CYP3A43: variants seen among roughly 807,000 people sequenced by gnomAD.
The protein encoded by CYP3A43 is cytochrome P450 3A43.
A neutral mutation model predicts 58.0 loss-of-function variants in CYP3A43; 45 were observed. That is an observed-to-expected ratio of 0.78 (90% CI 0.61 to 0.99). CYP3A43 has a LOEUF of 0.99. Ranked by LOEUF, CYP3A43 falls within the 50% of genes least tolerant of loss-of-function variation. The probability of loss-of-function intolerance (pLI) is 0.00; values close to 1 mark genes in which losing one functional copy is unlikely to be tolerated. For synonymous variants in CYP3A43, 191 were observed against 201.4 expected, an observed-to-expected ratio of 0.95 and a Z score of 0.44; for missense variants, 593 against 591.9, an observed-to-expected ratio of 1.00 and a Z score of -0.02.
chr7:99,865,259 C>T (rs1298107426), intron 12 of CYP3A43, among the ~76,000 whole-genome samples: 1 of 122,700 alleles, frequency 8.1e-6, no homozygotes, highest in Non-Finnish European at 1.6e-5. Context: ...CTGCTGGCTG[C>T]TCCCCTGACA....
intron 6 of CYP3A43, among the ~76,000 whole-genome samples, chr7:99,849,168 T>C (rs947451498): frequency 4.6e-5 from 7 of 152,212 alleles, no homozygotes; most frequent in Admixed American, 3.3e-4. Flanking sequence ...AATTTATTGA[T>C]TGGCCGAGAA....
chr7:99,859,813 A>T lies in CYP3A43; in HGVS notation c.866-17A>T, dbSNP rs1208765598. 8.7e-6 allele frequency: 14 copies of T among 1,613,742 alleles called. No individual in the cohort carries two copies. The highest frequency in any genetic ancestry group is 2.5e-6 in the Non-Finnish European group (3 of 1,179,946). On this transcript the variant is annotated splice_polypyrimidine_tract_variant and intron_variant, in intron 9 of 12. Transcript: ENST00000354829. ...ACACTAACCACTTTTCCTAAAATAT[A>T]TTTCCTCTCCTTTCAGCTCTGTCTG...
intron 3 of CYP3A43, among the ~76,000 whole-genome samples, chr7:99,839,576 G>A (rs1261240212): frequency 1.3e-5 from 2 of 152,104 alleles, no homozygotes; most frequent in African/African-American, 2.4e-5. Context: ...GGCATCACTC[G>A]TCTGGGGTAA....
intron 5 of CYP3A43, 30 bp downstream of exon 5, chr7:99,847,631 A>C (rs755197996): frequency 3.1e-6 from 5 of 1,611,334 alleles, no homozygotes; most frequent in Non-Finnish European, 3.4e-6. Context: ...TATAATTAGA[A>C]ACTTAAAGGA....
chr7:99,838,613 T>C, intron 2 of CYP3A43: 1 of 1,247,094 alleles, frequency 8.0e-7, no homozygotes, highest in Non-Finnish European at 1.0e-6. Flanking sequence ...TTAGAGAAAA[T>C]TTAAAAGTGA....
chr7:99,846,873 G>A (rs1390951660), intron 4 of CYP3A43, among the ~76,000 whole-genome samples: 1 of 152,116 alleles, frequency 6.6e-6, no homozygotes, highest in African/African-American at 2.4e-5. Flanking sequence ...GGACTAATAG[G>A]CCTGTCGCAA....
rs1311825581 is a variant in CYP3A43 at position 99,854,580 on chromosome 7, GT to G, written c.671-1006del. Among the ~76,000 whole-genome samples, 3 of 152,042 alleles carry G rather than the reference GT, an allele frequency of 2.0e-5. No individual in the cohort carries two copies. The East Asian group carries it at 5.8e-4, about 29-fold the overall frequency. On this transcript the variant is annotated intron_variant, in intron 7 of 12. Coordinates refer to ENST00000354829, the MANE Select transcript of CYP3A43 (RefSeq NM_057095.3). ...CTGTATTTCATTAGGTTACACTTTAGTTTTTATTATTTTCCCCCTTTCTGCT... is the reference window on the plus strand; with the variant it reads ...CTGTATTTCATTAGGTTACACTTTAGTTTTATTATTTTCCCCCTTTCTGCT...
At chr7:99,846,559 T>C (rs988789990) in intron 4 of CYP3A43, among the ~76,000 whole-genome samples, 2 of 152,188 alleles carry the variant, frequency 1.3e-5, no homozygotes, top group Non-Finnish European at 2.9e-5. Flanking sequence ...TGCCGTCCAA[T>C]CTGTATGCCT....
In CYP3A43 at chr7:99,862,773, T is replaced by C. The variant is rs1244898924; in HGVS notation, c.1254-764T>C. ...GGACCTTGTCTTGTTAGGCATGCTG[T>C]CTCTACTGCTGGCACAGACTCTGTA... On this transcript the variant is annotated intron_variant, in intron 11 of 12. Coordinates refer to ENST00000354829, the MANE Select transcript of CYP3A43 (RefSeq NM_057095.3). 2.0e-5 allele frequency among the ~76,000 whole-genome samples: 3 copies of C among 152,224 alleles called. No individual in the cohort carries two copies. In the East Asian group the frequency reaches 5.8e-4, roughly 29 times the overall value.
At chr7:99,832,059 T>TG in intron 1 of CYP3A43, among the ~76,000 whole-genome samples, 1 of 152,158 alleles carries the variant, frequency 6.6e-6, no homozygotes, top group Non-Finnish European at 1.5e-5. Flanking sequence ...ACTATGATTC[T>TG]TCCAGAGCTC....
chr7:99,850,199 CCCT>C (rs1187841315), intron 7 of CYP3A43: 4 of 265,160 alleles, frequency 1.5e-5, no homozygotes, highest in African/African-American at 2.4e-5. Flanking sequence ...TCATGATCCG[CCCT>C]CCTCAGCCTC....
intron 3 of CYP3A43, among the ~76,000 whole-genome samples, chr7:99,843,514 G>A (rs1257195470): frequency 6.6e-6 from 1 of 151,896 alleles, no homozygotes; most frequent in Non-Finnish European, 1.5e-5. Flanking sequence ...TGCCCAGGCT[G>A]GAGTGCAGTG....
intron 6 of CYP3A43, among the ~76,000 whole-genome samples, chr7:99,848,628 T>C (rs779295139): frequency 2.0e-5 from 3 of 152,212 alleles, no homozygotes; most frequent in Non-Finnish European, 4.4e-5. Flanking sequence ...TGGCAGTGAC[T>C]GGGGCAGGAA....
Position 99,861,852 on chromosome 7 carries a change from T to A in CYP3A43, c.1253+13T>A. On this transcript the variant is annotated intron_variant, in intron 11 of 12. Coordinates refer to ENST00000354829, the MANE Select transcript of CYP3A43 (RefSeq NM_057095.3). Reference sequence around the variant, plus strand: ...TCTGCCCTGAAAGGTACAAGGCCCCTGGGAAAGGAGCCTTCCCTCAACCAG... The same window carrying A: ...TCTGCCCTGAAAGGTACAAGGCCCCAGGGAAAGGAGCCTTCCCTCAACCAG... 1 of 1,595,520 alleles carries A rather than the reference T, an allele frequency of 6.3e-7. No individual in the cohort carries two copies. The highest frequency in any genetic ancestry group is 8.6e-7 in the Non-Finnish European group (1 of 1,165,738).
In CYP3A43 at chr7:99,838,706, G is replaced by A. The variant is rs769949609; in HGVS notation, c.166-414G>A. On this transcript the variant is annotated intron_variant, in intron 2 of 12. Transcript: ENST00000354829. Reference sequence around the variant, plus strand: ...CTCTGAATAAGATTCCCAGCTGGGCGTGGTGGCTCACGCCTGTAATCCCAG... The same window carrying A: ...CTCTGAATAAGATTCCCAGCTGGGCATGGTGGCTCACGCCTGTAATCCCAG... 202 of 1,286,236 alleles carry A rather than the reference G, an allele frequency of 1.6e-4. 1 individual carries two copies. Among genetic ancestry groups the A allele is most frequent in the Non-Finnish European group, 1.9e-4 (183 of 986,214 alleles). 79.7% of individuals were successfully genotyped at this position (1,286,236 alleles called of 1,614,324 possible). A position where few individuals can be genotyped will look rare whatever the true frequency, so the allele number is the denominator to read the frequency against.
rs143991326 is a variant in CYP3A43, at chr7:99,863,537, G to A, written c.1254G>A (p.Arg418=). The A allele has an allele frequency of 1.9e-6, 3 of 1,594,930 alleles. No individual in the cohort carries two copies. Among genetic ancestry groups the A allele is most frequent in the Non-Finnish European group, 1.7e-6 (2 of 1,173,494 alleles). ...WTEPEKFCPE[R]FSKKNKDSID... Reference sequence around the variant, plus strand: ...TTTTTATGTACTACTGTGAAAGTAGGTTCAGTAAGAAGAACAAGGACAGCA... The same window carrying A: ...TTTTTATGTACTACTGTGAAAGTAGATTCAGTAAGAAGAACAAGGACAGCA... Residue 418 remains arginine (R), a splice_region_variant and synonymous_variant, in exon 12 of 13, where the codon AGG becomes AGA. Coordinates refer to ENST00000354829, the MANE Select transcript of CYP3A43 (RefSeq NM_057095.3).
chr7:99,829,606 T>C (rs2151584511), intron 1 of CYP3A43, among the ~76,000 whole-genome samples: 1 of 152,300 alleles, frequency 6.6e-6, no homozygotes, highest in South Asian at 2.1e-4. Flanking sequence ...CTACCTCTAC[T>C]CCAACTGGAG....
chr7:99,842,273 T>C (rs773979619), intron 3 of CYP3A43, among the ~76,000 whole-genome samples: 1 of 152,200 alleles, frequency 6.6e-6, no homozygotes, highest in Non-Finnish European at 1.5e-5. Flanking sequence ...TTAAATGTAA[T>C]TTTTGCCATT....
At chr7:99,861,497 C>T (rs1818228938) in intron 10 of CYP3A43, 116 bp from the exon 11 acceptor site, 3 of 880,444 alleles carry the variant, frequency 3.4e-6, no homozygotes, top group South Asian at 1.8e-5. Flanking sequence ...ATGCAACAAT[C>T]TTTTACCAGA....
Sources: allele counts gnomAD v4.1 joint callset (sites outside exome capture counted in the v4.1 genomes callset), GRCh38; gene constraint gnomAD v4.1.1; transcripts MANE v1.5; gene names NCBI Gene and HGNC (gene_info 2026-07-23, HGNC 2026-07-21).